DNAH5: variants seen among roughly 807,000 people sequenced by gnomAD.
DNAH5 encodes axonemal beta dynein heavy chain 5.
In DNAH5, 372 loss-of-function variants were observed where a neutral mutation model predicts 518.2. The observed-to-expected ratio is 0.72, with a 90% CI of 0.66 to 0.78. The LOEUF (loss-of-function observed/expected upper bound fraction) is 0.78. Ranked by LOEUF, DNAH5 falls within the 30% of genes least tolerant of loss-of-function variation. The pLI is 0.00. For missense variants in DNAH5, 5,523 were observed against 5,687.0 expected (o/e 0.97, Z 0.93); for synonymous variants, 2,039 against 2,025.9 (o/e 1.01, Z -0.17).
chr5:13,908,273 A>T (rs1414662591), intron 12 of DNAH5, among the ~76,000 whole-genome samples: 1 of 152,238 alleles, frequency 6.6e-6, no homozygotes, highest in African/African-American at 2.4e-5. Flanking sequence ...AAAACAGTAC[A>T]GTTAGCCTAC....
At chr5:13,989,699 G>T (rs1783372321) in intron 1 of DNAH5, among the ~76,000 whole-genome samples, 1 of 152,084 alleles carries the variant, frequency 6.6e-6, no homozygotes, top group South Asian at 2.1e-4. Flanking sequence ...TAGCCAGGAT[G>T]ATCTCGATCT....
At chr5:13,965,496 A>C (rs1237718122) in intron 1 of DNAH5, among the ~76,000 whole-genome samples, 1 of 152,238 alleles carries the variant, frequency 6.6e-6, no homozygotes, top group Non-Finnish European at 1.5e-5. Context: ...TATATAGAAC[A>C]ACTAACAAAG....
At chr5:13,874,882 C>A (rs989319505) in intron 22 of DNAH5, among the ~76,000 whole-genome samples, 1 of 152,132 alleles carries the variant, frequency 6.6e-6, no homozygotes, top group African/African-American at 2.4e-5. Flanking sequence ...ATGCTAAAGG[C>A]AGGTCAGGTT....
intron 55 of DNAH5, among the ~76,000 whole-genome samples, chr5:13,773,366 G>T (rs965194851): frequency 6.6e-6 from 1 of 152,054 alleles, no homozygotes; most frequent in African/African-American, 2.4e-5. Flanking sequence ...ATTAAGCCTT[G>T]GAGATTGAAT....
chr5:14,004,830 A>G (rs1581159242), intron 1 of DNAH5, among the ~76,000 whole-genome samples: 1 of 151,838 alleles, frequency 6.6e-6, no homozygotes, highest in East Asian at 1.9e-4. Context: ...TTTGGTTTAA[A>G]CTGTGAAATG....
chr5:13,873,692 G>T (rs1185426462), intron 22 of DNAH5, among the ~76,000 whole-genome samples: 1 of 151,662 alleles, frequency 6.6e-6, no homozygotes, highest in African/African-American at 2.4e-5. Flanking sequence ...GTAGAGACGA[G>T]ATCTCACTGT....
chr5:13,720,088 T>C (rs936475601), intron 71 of DNAH5, among the ~76,000 whole-genome samples: 1 of 143,216 alleles, frequency 7.0e-6, no homozygotes, highest in African/African-American at 2.7e-5. Context: ...CTGCATGAGT[T>C]GTCTTTCAAA....
chr5:13,762,754 A>G lies in DNAH5; in HGVS notation c.10249T>C (p.Phe3417Leu). 1 of 1,614,132 alleles carries G rather than the reference A, an allele frequency of 6.2e-7. No individual in the cohort carries two copies. Among genetic ancestry groups the G allele is most frequent in the South Asian group, 1.1e-5 (1 of 91,082 alleles). The stretch of plus-strand genomic sequence containing the variant: ...GGCAGTACTTCTTTGTTTATAGAAA[A>G]GAAGGAAGCCATAGCTTTCGTCCAG... ...CSWTKAMASF[F>L]SINKEVLPLK... Residue 3417 changes from phenylalanine (F) to leucine (L), a missense_variant, in exon 60 of 79, where the codon TTT becomes CTT. Phe to Leu is a conservative substitution (Grantham distance 22). This residue lies in a region of DNAH5 where 5,121 missense variants were observed against 5,223.3 expected (regional missense o/e 0.98). Coordinates refer to ENST00000265104, the MANE Select transcript of DNAH5 (RefSeq NM_001369.3).
chr5:13,752,938 CACACTT>C (rs1313541839), intron 63 of DNAH5, among the ~76,000 whole-genome samples: 1 of 152,202 alleles, frequency 6.6e-6, no homozygotes, highest in Non-Finnish European at 1.5e-5. Flanking sequence ...CAAAGTGCTG[CACACTT>C]TGTGTGATAC....
intron 21 of DNAH5, among the ~76,000 whole-genome samples, chr5:13,882,434 T>G (rs1365894319): frequency 6.6e-6 from 1 of 151,930 alleles, no homozygotes; most frequent in African/African-American, 2.4e-5. Flanking sequence ...TAGCAAATTA[T>G]ATTCAACAGT....
At chr5:13,989,557 C>T (rs996249918) in intron 1 of DNAH5, among the ~76,000 whole-genome samples, 13 of 149,236 alleles carry the variant, frequency 8.7e-5, no homozygotes, top group Non-Finnish European at 1.5e-4. Context: ...GATCTCGGCT[C>T]ACTGCAAGCT....
Position 13,817,599 on chromosome 5 carries a change from T to C in DNAH5, c.6937A>G (p.Thr2313Ala). The C allele has an allele frequency of 6.2e-7, 1 of 1,614,202 alleles. No individual in the cohort carries two copies. The highest frequency in any genetic ancestry group is 2.2e-5 in the East Asian group (1 of 44,884). Residue 2313 changes from threonine to alanine, a missense_variant, in exon 42 of 79, where the codon ACT becomes GCT. This residue lies in a region of DNAH5 where 5,121 missense variants were observed against 5,223.3 expected (regional missense o/e 0.98). Transcript: ENST00000265104. ...CAAAGCGTAGAAAATATCCCATCAG[T>C]CCAGTCATTTGTGGCAACGTCCAGC... is the stretch of plus-strand genomic sequence containing the variant. ...GRLDVATNDW[T>A]DGIFSTLWRK...
chr5:13,811,843 TG>T lies in DNAH5; in HGVS notation c.7231-21del. On this transcript the variant is annotated intron_variant, in intron 43 of 78. Transcript: ENST00000265104. Reference sequence around the variant, plus strand: ...AAAACCCTGTCAGTTCACAGACAAGTGTATTCATGAAACTTATTAGCACACT... The same window carrying T: ...AAAACCCTGTCAGTTCACAGACAAGTTATTCATGAAACTTATTAGCACACT... 2 of 1,613,592 alleles carry T rather than the reference TG, an allele frequency of 1.2e-6. No individual in the cohort carries two copies. The highest frequency in any genetic ancestry group is 1.7e-6 in the Non-Finnish European group (2 of 1,179,690).
intron 1 of DNAH5, among the ~76,000 whole-genome samples, chr5:13,976,305 T>C (rs1362921599): frequency 6.6e-6 from 1 of 152,190 alleles, no homozygotes; most frequent in African/African-American, 2.4e-5. Flanking sequence ...AAATATTAAA[T>C]GGAAAATTCC....
chr5:13,845,102 A>T lies in DNAH5; in HGVS notation c.5115-109T>A, dbSNP rs532383950. 6 of 1,079,230 alleles carry T rather than the reference A, an allele frequency of 5.6e-6. No homozygotes were observed. The South Asian group carries it at 8.6e-5, about 15-fold the overall frequency. The allele number at this position is 1,079,230 out of a possible 1,614,324, so 66.9% of individuals were successfully genotyped here. On this transcript the variant is annotated intron_variant, in intron 31 of 78. Coordinates refer to ENST00000265104, the MANE Select transcript of DNAH5 (RefSeq NM_001369.3). ...GGAGAAGATTGTGTGACTTGTGACAATCTGATTTTCCTACGTGACTTCTCA... is the reference window on the plus strand; with the variant it reads ...GGAGAAGATTGTGTGACTTGTGACATTCTGATTTTCCTACGTGACTTCTCA...
intron 31 of DNAH5, among the ~76,000 whole-genome samples, chr5:13,848,039 C>G (rs1350286588): frequency 6.6e-6 from 1 of 152,154 alleles, no homozygotes; most frequent in African/African-American, 2.4e-5. Context: ...CCTGCTGGGT[C>G]TATATCCAAG....
intron 1 of DNAH5, among the ~76,000 whole-genome samples, chr5:13,999,885 C>A (rs1307905382): frequency 2.6e-5 from 4 of 152,152 alleles, no homozygotes; most frequent in Non-Finnish European, 5.9e-5. Context: ...TTTATGATAG[C>A]CATCTTGACA....
intron 1 of DNAH5, among the ~76,000 whole-genome samples, chr5:13,972,542 C>T (rs1308691251): frequency 6.6e-6 from 1 of 152,156 alleles, no homozygotes; most frequent in African/African-American, 2.4e-5. Context: ...CTCTGCATTT[C>T]ACTTGACTCT....
intron 12 of DNAH5, among the ~76,000 whole-genome samples, chr5:13,904,814 G>C (rs1239291003): frequency 6.6e-6 from 1 of 152,106 alleles, no homozygotes; most frequent in Non-Finnish European, 1.5e-5. Flanking sequence ...GGGAGGCTGA[G>C]GTGGGATGAT....
Sources: gnomAD v4.1 joint callset for allele counts (sites outside exome capture counted in the v4.1 genomes callset) on GRCh38, gnomAD v4.1.1 for gene constraint, gnomAD v4.1.1 regional missense constraint, MANE v1.5 for transcripts, NCBI Gene and HGNC (gene_info 2026-07-23, HGNC 2026-07-21) for gene names.